SVOPL: variants seen among roughly 807,000 people sequenced by gnomAD.
SVOPL encodes the protein SVOP like.
Under a neutral mutation model 61.0 loss-of-function variants are expected in SVOPL, and 60 were observed. The ratio of observed to expected loss-of-function variants is 0.98; its 90% CI spans 0.80 to 1.22. SVOPL has a LOEUF of 1.22. Ranked by LOEUF, SVOPL falls within the 50% of genes most tolerant of loss-of-function variation. The probability of loss-of-function intolerance (pLI) is 0.00; values close to 1 mark genes in which losing one functional copy is unlikely to be tolerated. For synonymous variants in SVOPL, 279 were observed against 250.0 expected (o/e 1.12, Z -1.09); for missense variants, 662 against 643.9 (o/e 1.03, Z -0.30).
intron 14 of SVOPL, among the ~76,000 whole-genome samples, chr7:138,608,250 G>T (rs1358037099): frequency 3.3e-5 from 5 of 152,156 alleles, no homozygotes; most frequent in African/African-American, 1.2e-4. Context: ...GATTTGGGTG[G>T]AATGTTACTA....
At chr7:138,641,671 CAAAAAA>C (rs34649341) in intron 9 of SVOPL, among the ~76,000 whole-genome samples, 1 of 101,422 alleles carries the variant, frequency 9.9e-6, no homozygotes, top group South Asian at 3.4e-4. Flanking sequence ...AACTCCATCT[CAAAAAA>C]AAAAAAAAAA....
chr7:138,689,493 C>T (rs1239110007), intron 1 of SVOPL: 1 of 758,918 alleles, frequency 1.3e-6, no homozygotes, highest in Non-Finnish European at 2.3e-6. Flanking sequence ...AAAGATATCC[C>T]AGAAGAAACA....
intron 9 of SVOPL, among the ~76,000 whole-genome samples, chr7:138,635,011 G>A (rs1800399914): frequency 6.6e-6 from 1 of 152,146 alleles, no homozygotes; most frequent in African/African-American, 2.4e-5. Context: ...GCTCATGCCT[G>A]TAATCCCAGC....
intron 6 of SVOPL, among the ~76,000 whole-genome samples, chr7:138,658,697 CT>C (rs1311358465): frequency 1.3e-5 from 2 of 152,162 alleles, no homozygotes; most frequent in African/African-American, 4.8e-5. Flanking sequence ...TGATCTAGCA[CT>C]CTGCTAGCCT....
Position 138,631,992 on chromosome 7 carries a change from A to ACACACACACACC in SVOPL, c.790-1871_790-1870insGGTGTGTGTGTG, listed in dbSNP as rs1224217933. Among the ~76,000 whole-genome samples the ACACACACACACC allele has an allele frequency of 4.6e-5, 7 of 150,616 alleles. No homozygotes were observed. The East Asian group carries it at 5.9e-4, about 13-fold the overall frequency. On this transcript the variant is annotated intron_variant, in intron 9 of 15. Transcript: ENST00000674285. ...CACACACACACACACACATACACAC[A>ACACACACACACC]CCCCTACACCCCACCTGGTTCTAAG...
chr7:138,633,419 G>A (rs1800310612), intron 9 of SVOPL, among the ~76,000 whole-genome samples: 1 of 152,020 alleles, frequency 6.6e-6, no homozygotes, highest in Non-Finnish European at 1.5e-5. Flanking sequence ...TGTGACAGCT[G>A]GTTTAAAAGA....
chr7:138,662,494 C>G, intron 5 of SVOPL: 1 of 985,548 alleles, frequency 1.0e-6, no homozygotes, highest in Non-Finnish European at 1.2e-6. Context: ...CCTGAAAGAA[C>G]AGCTTCTTCT....
At chr7:138,622,106 C>CTATCTATGTATG (rs1799645077) in intron 13 of SVOPL, among the ~76,000 whole-genome samples, 1 of 45,622 alleles carries the variant, frequency 2.2e-5, no homozygotes. Flanking sequence ...ATCTATCTAT[C>CTATCTATGTATG]TATCTATCTA....
chr7:138,638,127 A>G (rs1659803), intron 9 of SVOPL, among the ~76,000 whole-genome samples: 52,749 of 151,250 alleles, frequency 0.35, 11,102 homozygotes, highest in African/African-American at 0.6. Context: ...ATAAAAATTA[A>G]GTGGGTGTGG....
rs555233461 is a variant in SVOPL, at chr7:138,598,982, G to A, written c.1354-2452C>T. On this transcript the variant is annotated intron_variant, in intron 14 of 15. Transcript: ENST00000674285. Reference sequence around the variant, plus strand: ...AACTAATTCTAAAGTTAAGTTGGCTGGGCAGAGTAGCATGCACCTGTAGTC... The same window carrying A: ...AACTAATTCTAAAGTTAAGTTGGCTAGGCAGAGTAGCATGCACCTGTAGTC... 7.9e-5 allele frequency among the ~76,000 whole-genome samples: 12 copies of A among 151,734 alleles called. No individual in the cohort carries two copies. In the South Asian group the frequency reaches 2.5e-3, roughly 32 times the overall value.
At chr7:138,672,187 C>A in intron 3 of SVOPL, 70 bp from the exon 4 acceptor site, 1 of 1,402,602 alleles carries the variant, frequency 7.1e-7, no homozygotes, top group Non-Finnish European at 9.9e-7. Context: ...TATCTGCCTG[C>A]CCATCATCCT....
intron 7 of SVOPL, among the ~76,000 whole-genome samples, chr7:138,650,009 T>C (rs1444900744): frequency 6.6e-6 from 1 of 152,074 alleles, no homozygotes; most frequent in South Asian, 2.1e-4. Flanking sequence ...TTTTTGTGTT[T>C]TTAGTAGAGA....
At chr7:138,634,328 A>G (rs6964728) in intron 9 of SVOPL, among the ~76,000 whole-genome samples, 12,538 of 152,062 alleles carry the variant, frequency 0.082, 688 homozygotes, top group African/African-American at 0.14. Context: ...CAACATAGCA[A>G]GACCTCATCT....
chr7:138,700,333 G>GCCT (rs1803163257), intron 1 of SVOPL, among the ~76,000 whole-genome samples: 1 of 93,612 alleles, frequency 1.1e-5, no homozygotes, highest in African/African-American at 3.9e-5. Context: ...GGTTCCGTAT[G>GCCT]TCTTTTTTTT....
At chr7:138,673,345 A>C (rs924795046) in intron 3 of SVOPL, among the ~76,000 whole-genome samples, 1 of 152,186 alleles carries the variant, frequency 6.6e-6, no homozygotes, top group African/African-American at 2.4e-5. Flanking sequence ...AACAGGTATC[A>C]GAAGTAAGAG....
Position 138,655,570 on chromosome 7 carries a change from C to T in SVOPL, c.534+878G>A, listed in dbSNP as rs180872918. 1.7e-3 allele frequency among the ~76,000 whole-genome samples: 250 copies of T among 148,674 alleles called. 1 individual carries two copies. Among genetic ancestry groups the T allele is most frequent in the African/African-American group, 5.5e-3 (214 of 39,238 alleles). ...TCCAAGGTGATATAAGCTACACACA[C>T]GCACACACACACACACCCCTACACA... is the stretch of plus-strand genomic sequence containing the variant. On this transcript the variant is annotated intron_variant, in intron 7 of 15. Transcript: ENST00000674285.
At chr7:138,598,235 G>A (rs966859207) in intron 14 of SVOPL, among the ~76,000 whole-genome samples, 5 of 152,048 alleles carry the variant, frequency 3.3e-5, no homozygotes, top group Non-Finnish European at 5.9e-5. Context: ...CCCAGACCAG[G>A]AATAGAGAGA....
intron 14 of SVOPL, 193 bp from the exon 15 acceptor site, chr7:138,596,723 A>G (rs1798297275): frequency 2.3e-6 from 3 of 1,296,806 alleles, no homozygotes; most frequent in African/African-American, 3.0e-5. Flanking sequence ...TAGTCCAAGA[A>G]CAGGAACTGG....
chr7:138,609,493 A>C (rs1006744314), intron 14 of SVOPL, among the ~76,000 whole-genome samples: 1 of 150,810 alleles, frequency 6.6e-6, no homozygotes, highest in Non-Finnish European at 1.5e-5. Flanking sequence ...CCTCTACAAA[A>C]AAAAAAAAAA....
Sources: allele counts gnomAD v4.1 joint callset (sites outside exome capture counted in the v4.1 genomes callset), GRCh38; gene constraint gnomAD v4.1.1; transcripts MANE v1.5; gene names NCBI Gene and HGNC (gene_info 2026-07-23, HGNC 2026-07-21).